Variants in CISD2 observed in about 807,000 individuals in gnomAD.
CISD2 encodes CDGSH iron-sulfur domain-containing protein 2.
Under a neutral mutation model 12.9 loss-of-function variants are expected in CISD2, and 1 was observed. The observed-to-expected ratio is 0.08, with a 90% CI of 0.03 to 0.37. The LOEUF (loss-of-function observed/expected upper bound fraction) is 0.37, where lower values mean the gene tolerates loss of function less well. Among genes scored for constraint, CISD2 ranks in the 10% least tolerant of loss-of-function variants. The probability of loss-of-function intolerance (pLI) is 0.99; values close to 1 mark genes in which losing one functional copy is unlikely to be tolerated. For missense variants in CISD2, 97 were observed against 163.1 expected, an observed-to-expected ratio of 0.59 and a Z score of 2.21; for synonymous variants, 50 against 60.6, an observed-to-expected ratio of 0.83 and a Z score of 0.81.
intron 1 of CISD2, chr4:102,869,550 C>T (rs1344549005): frequency 2.9e-6 from 2 of 701,746 alleles, no homozygotes; most frequent in Non-Finnish European, 2.6e-6. Context: ...GCTAAGTCGT[C>T]GTTATCTAAG....
chr4:102,875,095 C>T (rs909661662), intron 1 of CISD2, among the ~76,000 whole-genome samples: 1 of 152,212 alleles, frequency 6.6e-6, no homozygotes, highest in East Asian at 1.9e-4. Context: ...CTACAGCTCC[C>T]TTTCATTAAA....
At chr4:102,882,209 A>C (rs1467410772) in intron 1 of CISD2, among the ~76,000 whole-genome samples, 1 of 151,976 alleles carries the variant, frequency 6.6e-6, no homozygotes, top group Non-Finnish European at 1.5e-5. Flanking sequence ...AATAAATAAG[A>C]TTTTCATCTT....
chr4:102,878,742 A>G (rs575584816), intron 1 of CISD2, among the ~76,000 whole-genome samples: 1 of 152,298 alleles, frequency 6.6e-6, no homozygotes, highest in South Asian at 2.1e-4. Flanking sequence ...CCCACATCTT[A>G]CTGTCTTCTG....
intron 1 of CISD2, among the ~76,000 whole-genome samples, chr4:102,880,909 C>T (rs965844061): frequency 5.9e-5 from 9 of 151,304 alleles, no homozygotes; most frequent in Non-Finnish European, 1.2e-4. Flanking sequence ...GCACGAGAAT[C>T]GCTTGAACCC....
At chr4:102,878,371 T>C (rs2738926) in intron 1 of CISD2, among the ~76,000 whole-genome samples, 87,153 of 151,754 alleles carry the variant, frequency 0.57, 26,293 homozygotes, top group African/African-American at 0.78. Context: ...CCTCATGATC[T>C]GCCCGCCTCA....
chr4:102,884,614 G>C (rs781504626), intron 1 of CISD2, among the ~76,000 whole-genome samples: 3 of 152,120 alleles, frequency 2.0e-5, no homozygotes, highest in Non-Finnish European at 4.4e-5. Context: ...ACTCCAAAAG[G>C]CTTTAAATGA....
intron 1 of CISD2, among the ~76,000 whole-genome samples, chr4:102,882,341 C>T (rs537645238): frequency 4.6e-5 from 7 of 152,190 alleles, no homozygotes; most frequent in Non-Finnish European, 8.8e-5. Context: ...ACTGCTATTT[C>T]GAGTTACATA....
rs1185970022 is a variant in CISD2 at position 102,869,327 on chromosome 4, C to G, written c.103+140C>G. 1.3e-5 allele frequency: 15 copies of G among 1,165,514 alleles called. 1 individual carries two copies. Among genetic ancestry groups the G allele is most frequent in the Non-Finnish European group, 1.9e-5 (15 of 808,108 alleles). The allele number at this position is 1,165,514 out of a possible 1,614,324, so 72.2% of individuals were successfully genotyped here. On this transcript the variant is annotated intron_variant, in intron 1 of 2. Coordinates refer to ENST00000273986, the MANE Select transcript of CISD2 (RefSeq NM_001008388.5). ...CCCCGCGCGCAGAGGAAGGTGGGCGCGCGCCGACGCAGCTGCCTGGGGAAC... is the reference window on the plus strand; with the variant it reads ...CCCCGCGCGCAGAGGAAGGTGGGCGGGCGCCGACGCAGCTGCCTGGGGAAC...
intron 1 of CISD2, among the ~76,000 whole-genome samples, chr4:102,880,042 A>G (rs1156909369): frequency 6.6e-6 from 1 of 151,790 alleles, no homozygotes; most frequent in Non-Finnish European, 1.5e-5. Flanking sequence ...TCCGGGATTT[A>G]AGTGATTCTC....
chr4:102,878,658 G>T (rs1185782965), intron 1 of CISD2, among the ~76,000 whole-genome samples: 3 of 152,162 alleles, frequency 2.0e-5, no homozygotes, highest in African/African-American at 7.2e-5. Context: ...CGTCAGCCTG[G>T]ATGTTATTGT....
chr4:102,884,594 C>T (rs1207027104), intron 1 of CISD2, among the ~76,000 whole-genome samples: 4 of 152,164 alleles, frequency 2.6e-5, no homozygotes, highest in Non-Finnish European at 4.4e-5. Flanking sequence ...CCCCTTAAGA[C>T]AGGCTAGGTA....
intron 1 of CISD2, 65 bp from the exon 2 acceptor site, chr4:102,885,150 AC>A: frequency 2.5e-6 from 3 of 1,209,028 alleles, no homozygotes; most frequent in East Asian, 2.4e-5. Flanking sequence ...CAAGGATGAA[AC>A]TAGACATGCT....
rs569044261 is a variant in CISD2, at chr4:102,892,528, C to G, written c.*5098C>G. ...GTTCAGAAAGACTATGTTTTTCAAC[C>G]AGAGATGACATCACTCTAACTTTCC... On this transcript the variant is annotated 3_prime_UTR_variant, in exon 3 of 3. Transcript: ENST00000273986. 1 of 152,260 alleles carries G rather than the reference C, an allele frequency of 6.6e-6. No homozygotes were observed. The highest frequency in any genetic ancestry group is 2.1e-4 in the South Asian group (1 of 4,828). The allele number at this position is 152,260 out of a possible 1,614,324, so 9.4% of individuals were successfully genotyped here.
chr4:102,871,654 G>C (rs1733452924), intron 1 of CISD2, among the ~76,000 whole-genome samples: 1 of 152,156 alleles, frequency 6.6e-6, no homozygotes, highest in Non-Finnish European at 1.5e-5. Flanking sequence ...TGAATAGATT[G>C]TAACAGTTAA....
intron 1 of CISD2, among the ~76,000 whole-genome samples, chr4:102,873,954 C>T (rs1190531552): frequency 7.3e-5 from 11 of 151,698 alleles, no homozygotes; most frequent in African/African-American, 2.4e-4. Flanking sequence ...GGTGAAACCC[C>T]GTCTCTACTA....
intron 1 of CISD2, among the ~76,000 whole-genome samples, chr4:102,880,912 T>C (rs1441937377): frequency 6.6e-6 from 1 of 151,592 alleles, no homozygotes; most frequent in Non-Finnish European, 1.5e-5. Flanking sequence ...CGAGAATCGC[T>C]TGAACCCGGG....
At chr4:102,886,892 G>A (rs1463661823) in intron 2 of CISD2, among the ~76,000 whole-genome samples, 5 of 152,170 alleles carry the variant, frequency 3.3e-5, no homozygotes, top group African/African-American at 9.7e-5. Context: ...TGGGATTACA[G>A]GCGTAAACTA....
At position 102,874,340 on chromosome 4, in the gene CISD2, G is replaced by A. The variant is rs533449809; in HGVS notation, c.103+5153G>A. 4.1e-4 allele frequency among the ~76,000 whole-genome samples: 62 copies of A among 152,220 alleles called. 1 individual carries two copies. Among genetic ancestry groups the A allele is most frequent in the Middle Eastern group, 3.4e-3 (1 of 294 alleles). ...CTGGGAACTGCTAAAGGGGAGGGAG[G>A]CAGGAGGTCAAGGGTTGAAGACTAT... On this transcript the variant is annotated intron_variant, in intron 1 of 2. Coordinates refer to ENST00000273986, the MANE Select transcript of CISD2 (RefSeq NM_001008388.5).
At position 102,888,774 on chromosome 4, in the gene CISD2, C is replaced by T. The variant is rs1024748232; in HGVS notation, c.*1344C>T. The T allele has an allele frequency of 2.0e-5, 3 of 152,228 alleles. No homozygotes were observed. Among genetic ancestry groups the T allele is most frequent in the African/African-American group, 7.2e-5 (3 of 41,454 alleles). 9.4% of individuals were successfully genotyped at this position (152,228 alleles called of 1,614,324 possible). On this transcript the variant is annotated 3_prime_UTR_variant, in exon 3 of 3. Transcript: ENST00000273986. The stretch of plus-strand genomic sequence containing the variant: ...TGGGCAACCTAGTGCTCCGCCTCTG[C>T]TGGGCTCTGTAGGGAATCCTTTCTG...
Sources: allele counts gnomAD v4.1 joint callset (sites outside exome capture counted in the v4.1 genomes callset), GRCh38; gene constraint gnomAD v4.1.1; transcripts MANE v1.5; gene names NCBI Gene and HGNC (gene_info 2026-07-23, HGNC 2026-07-21).